BCR: variants seen among roughly 807,000 people sequenced by gnomAD.
BCR encodes the protein BCR activator of RhoGEF and GTPase, also known as breakpoint cluster region protein.
Under a neutral mutation model 138.6 loss-of-function variants are expected in BCR, and 58 were observed. The observed-to-expected ratio is 0.42, with a 90% CI of 0.34 to 0.52. The LOEUF (loss-of-function observed/expected upper bound fraction) is 0.52, where lower values mean the gene tolerates loss of function less well. Among genes scored for constraint, BCR ranks in the 20% least tolerant of loss-of-function variants. BCR has a pLI of 0.06. For missense variants in BCR, 1,599 were observed against 1,727.2 expected (o/e 0.93, Z 1.32); for synonymous variants, 786 against 730.1 (o/e 1.08, Z -1.23).
chr22:23,269,010 A>G (rs1399828778), intron 5 of BCR, among the ~76,000 whole-genome samples: 1 of 152,224 alleles, frequency 6.6e-6, no homozygotes, highest in Non-Finnish European at 1.5e-5. Context: ...GAGCAAAGCG[A>G]CAGGTTGGAG....
intron 16 of BCR, among the ~76,000 whole-genome samples, chr22:23,296,106 T>TG (rs131679): frequency 1 from 152,192 of 152,196 alleles, 76,094 homozygotes; most frequent in Middle Eastern, 1. Context: ...CTGGGCGTGG[T>TG]GCTCACGCCT....
At chr22:23,310,881 CG>C (rs1267348746) in intron 18 of BCR, among the ~76,000 whole-genome samples, 1 of 150,944 alleles carries the variant, frequency 6.6e-6, no homozygotes, top group Non-Finnish European at 1.5e-5. Context: ...TCACGTGGGC[CG>C]GGGCCTCCAT....
intron 14 of BCR, 118 bp from the exon 15 acceptor site, chr22:23,292,423 C>T: frequency 1.2e-6 from 1 of 831,412 alleles, no homozygotes; most frequent in South Asian, 1.5e-5. Context: ...AAGAAAGTTA[C>T]AACCTTTTTT....
chr22:23,293,699 AG>A lies in BCR; in HGVS notation c.2880+1063del, dbSNP rs369503430. On this transcript the variant is annotated intron_variant, in intron 15 of 22. Transcript: ENST00000305877. ...CCAGGCAGCCACGGAAGCTCCGGGG[AG>A]GCATGAAGACATGAGGGTTAGATTG... Among the ~76,000 whole-genome samples the A allele has an allele frequency of 2.2e-3, 329 of 152,228 alleles. 3 individuals are homozygous for A. Among genetic ancestry groups the A allele is most frequent in the African/African-American group, 7.5e-3 (313 of 41,542 alleles).
intron 4 of BCR, among the ~76,000 whole-genome samples, chr22:23,265,255 C>G (rs2330369): frequency 0.36 from 55,189 of 152,156 alleles, 11,066 homozygotes; most frequent in African/African-American, 0.53. Flanking sequence ...GAGAGGCTGG[C>G]GTTGCAGTGG....
At chr22:23,216,822 G>T (rs1294132522) in intron 1 of BCR, among the ~76,000 whole-genome samples, 1 of 152,250 alleles carries the variant, frequency 6.6e-6, no homozygotes, top group Non-Finnish European at 1.5e-5. Context: ...GTCCGTCATT[G>T]TTCTGCAGTG....
At chr22:23,192,971 C>T (rs986323567) in intron 1 of BCR, among the ~76,000 whole-genome samples, 6 of 152,104 alleles carry the variant, frequency 3.9e-5, no homozygotes, top group African/African-American at 1.4e-4. Context: ...CCAAGGGGAC[C>T]CCAGAAGAAG....
intron 15 of BCR, 100 bp downstream of exon 15, chr22:23,292,738 C>A: frequency 2.0e-6 from 2 of 1,002,702 alleles, no homozygotes; most frequent in Non-Finnish European, 2.9e-6. Flanking sequence ...TGAGGGCTTC[C>A]CCCGAAGGCA....
chr22:23,233,789 C>CAA (rs59819093), intron 1 of BCR, among the ~76,000 whole-genome samples: 2 of 70,058 alleles, frequency 2.9e-5, no homozygotes, highest in African/African-American at 1.0e-4. Context: ...GACCCTGTCT[C>CAA]AAAAAAAAAA....
intron 4 of BCR, chr22:23,264,058 A>T (rs2073405879): frequency 1.8e-6 from 2 of 1,089,962 alleles, no homozygotes; most frequent in East Asian, 2.4e-5. Context: ...TGTGGCTATG[A>T]CACCTATGTT....
At chr22:23,255,481 C>CT (rs1483384981) in intron 2 of BCR, among the ~76,000 whole-genome samples, 3 of 152,208 alleles carry the variant, frequency 2.0e-5, no homozygotes, top group Non-Finnish European at 2.9e-5. Context: ...TGGTGCACCC[C>CT]TTTCTTGCTG....
At chr22:23,197,623 G>C (rs560650497) in intron 1 of BCR, among the ~76,000 whole-genome samples, 1 of 152,228 alleles carries the variant, frequency 6.6e-6, no homozygotes, top group South Asian at 2.1e-4. Context: ...TAGGAGAGTT[G>C]GGGTCATCCT....
At chr22:23,241,005 G>C (rs6003581) in intron 1 of BCR, among the ~76,000 whole-genome samples, 1 of 152,224 alleles carries the variant, frequency 6.6e-6, no homozygotes, top group Non-Finnish European at 1.5e-5. Context: ...GCGTGTGTCA[G>C]AGTTTCCTTC....
At chr22:23,275,515 C>T (rs534639425) in intron 8 of BCR, among the ~76,000 whole-genome samples, 3 of 152,226 alleles carry the variant, frequency 2.0e-5, no homozygotes, top group African/African-American at 4.8e-5. Context: ...CCAGTGGAGG[C>T]GTTGAGCAGT....
At chr22:23,262,615 G>C (rs538636909) in intron 4 of BCR, among the ~76,000 whole-genome samples, 3 of 152,156 alleles carry the variant, frequency 2.0e-5, no homozygotes, top group African/African-American at 4.8e-5. Context: ...GTGGTGGCTC[G>C]GGCTGGGCTC....
At chr22:23,222,219 C>T (rs1328415804) in intron 1 of BCR, among the ~76,000 whole-genome samples, 1 of 152,196 alleles carries the variant, frequency 6.6e-6, no homozygotes, top group Non-Finnish European at 1.5e-5. Flanking sequence ...ATCCACAGTG[C>T]CTAAAACAAT....
At chr22:23,255,859 G>T (rs2073289294) in intron 2 of BCR, among the ~76,000 whole-genome samples, 1 of 152,220 alleles carries the variant, frequency 6.6e-6, no homozygotes, top group South Asian at 2.1e-4. Flanking sequence ...GCACGTCTCT[G>T]CCTGTCAGGT....
intron 8 of BCR, among the ~76,000 whole-genome samples, chr22:23,276,467 C>A (rs1602094318): frequency 1.3e-5 from 2 of 151,886 alleles, no homozygotes; most frequent in East Asian, 3.9e-4. Flanking sequence ...CTGCATCCTC[C>A]CCAGGACCTC....
intron 3 of BCR, 117 bp downstream of exon 3, chr22:23,261,171 C>T (rs2073351942): frequency 8.1e-7 from 1 of 1,240,418 alleles, no homozygotes; most frequent in South Asian, 1.3e-5. Context: ...GCTCGCCATC[C>T]CTGGAGTGGA....
Sources: gnomAD v4.1 joint callset for allele counts (sites outside exome capture counted in the v4.1 genomes callset) on GRCh38, gnomAD v4.1.1 for gene constraint, MANE v1.5 for transcripts, NCBI Gene and HGNC (gene_info 2026-07-23, HGNC 2026-07-21) for gene names.